The following NETO1 variants were observed in gnomAD, a reference collection of about 807,000 sequenced individuals.
NETO1 encodes the protein neuropilin and tolloid-like protein 1.
A neutral mutation model predicts 61.3 loss-of-function variants in NETO1; 26 were observed. The observed-to-expected ratio is 0.42, with a 90% CI of 0.31 to 0.59. NETO1 has a LOEUF of 0.59. Ranked by LOEUF, NETO1 falls within the 20% of genes least tolerant of loss-of-function variation. The pLI, the probability that NETO1 is intolerant of heterozygous loss-of-function variation, is 0.12. For missense variants in NETO1, 531 were observed against 662.8 expected (o/e 0.80, Z 2.18); for synonymous variants, 225 against 225.8 (o/e 1.00, Z 0.03).
chr18:72,851,699 T>A (rs539272530), intron 4 of NETO1, among the ~76,000 whole-genome samples: 1 of 152,294 alleles, frequency 6.6e-6, no homozygotes, highest in Non-Finnish European at 1.5e-5. Context: ...GAAAAACATT[T>A]CAAACAACAT....
chr18:72,854,921 C>A (rs1248771777), intron 4 of NETO1, among the ~76,000 whole-genome samples: 2 of 152,106 alleles, frequency 1.3e-5, no homozygotes, highest in African/African-American at 2.4e-5. Flanking sequence ...TTCCTGCTAT[C>A]CCTTATCTGA....
At chr18:72,755,880 G>A (rs536128821) in intron 8 of NETO1, among the ~76,000 whole-genome samples, 154 bp downstream of exon 8, 12 of 152,208 alleles carry the variant, frequency 7.9e-5, no homozygotes, top group African/African-American at 2.9e-4. Context: ...TAAAGGCTAA[G>A]AAAAACGCTT....
intron 4 of NETO1, among the ~76,000 whole-genome samples, chr18:72,847,606 TA>T (rs2145546671): frequency 6.6e-6 from 1 of 152,334 alleles, no homozygotes; most frequent in South Asian, 2.1e-4. Flanking sequence ...TATTTATGCA[TA>T]AAAATGGCAT....
intron 4 of NETO1, chr18:72,834,179 A>G: frequency 1.6e-6 from 1 of 644,520 alleles, no homozygotes; most frequent in South Asian, 7.0e-5. Context: ...ATATTTTAAT[A>G]AAATACAACA....
chr18:72,857,619 T>G (rs1220063068), intron 4 of NETO1, among the ~76,000 whole-genome samples: 1 of 152,146 alleles, frequency 6.6e-6, no homozygotes, highest in Non-Finnish European at 1.5e-5. Flanking sequence ...ATACCTACCT[T>G]CCCATTTACA....
At chr18:72,820,538 C>G (rs1226520119) in intron 4 of NETO1, among the ~76,000 whole-genome samples, 2 of 152,240 alleles carry the variant, frequency 1.3e-5, no homozygotes, top group Non-Finnish European at 2.9e-5. Context: ...GCTTTGAAAA[C>G]TTACAGGATG....
chr18:72,776,731 A>G (rs1241341393), intron 7 of NETO1, among the ~76,000 whole-genome samples: 1 of 152,166 alleles, frequency 6.6e-6, no homozygotes, highest in African/African-American at 2.4e-5. Context: ...AACTCCTAAC[A>G]TCATCACCTT....
At chr18:72,756,710 T>C (rs775308087) in intron 7 of NETO1, among the ~76,000 whole-genome samples, 1 of 152,144 alleles carries the variant, frequency 6.6e-6, no homozygotes, top group Non-Finnish European at 1.5e-5. Flanking sequence ...TTACATTTAA[T>C]ATATATGGTG....
intron 7 of NETO1, among the ~76,000 whole-genome samples, chr18:72,758,710 C>T (rs940384312): frequency 6.6e-6 from 1 of 152,032 alleles, no homozygotes; most frequent in African/African-American, 2.4e-5. Context: ...GTAGCACATG[C>T]CTGCAATTCC....
intron 4 of NETO1, among the ~76,000 whole-genome samples, chr18:72,814,596 C>G (rs1017559771): frequency 2.0e-5 from 3 of 151,996 alleles, no homozygotes; most frequent in African/African-American, 7.2e-5. Context: ...TGGACTAGAA[C>G]ACAAATCTAA....
intron 4 of NETO1, among the ~76,000 whole-genome samples, chr18:72,831,807 G>C (rs1452780150): frequency 6.6e-6 from 1 of 151,622 alleles, no homozygotes; most frequent in East Asian, 1.9e-4. Flanking sequence ...TAAATCACTT[G>C]CAATTTTTGT....
chr18:72,780,933 T>C (rs1344509190), intron 7 of NETO1, among the ~76,000 whole-genome samples: 1 of 152,126 alleles, frequency 6.6e-6, no homozygotes, highest in African/African-American at 2.4e-5. Flanking sequence ...CAGCTTCCTA[T>C]AAAACTAAAA....
chr18:72,848,163 T>C (rs1426639391), intron 4 of NETO1, among the ~76,000 whole-genome samples: 1 of 152,174 alleles, frequency 6.6e-6, no homozygotes, highest in African/African-American at 2.4e-5. Context: ...GATGGCGACA[T>C]TAATTTCCTT....
In NETO1 at chr18:72,867,194, G is replaced by C. The variant is rs890616122; in HGVS notation, c.28+70C>G. ...CGCGGCGCAGAGGCTTTTCCTGCGC[G>C]TTCGGCCCCGGGAAAGGGGCGGGAG... On this transcript the variant is annotated intron_variant, in intron 1 of 10. Transcript: ENST00000327305. 105 of 1,241,228 alleles carry C rather than the reference G, an allele frequency of 8.5e-5. 3 individuals carry two copies. In the South Asian group the frequency reaches 1.1e-3, roughly 13 times the overall value. 76.9% of individuals were successfully genotyped at this position (1,241,228 alleles called of 1,614,324 possible).
chr18:72,763,160 C>A (rs2071036953), intron 7 of NETO1, among the ~76,000 whole-genome samples: 1 of 151,306 alleles, frequency 6.6e-6, no homozygotes, highest in African/African-American at 2.4e-5. Flanking sequence ...CAGAAATCTG[C>A]TAAATAATAT....
At chr18:72,842,292 A>T (rs1053750816) in intron 4 of NETO1, among the ~76,000 whole-genome samples, 2 of 152,162 alleles carry the variant, frequency 1.3e-5, no homozygotes, top group Non-Finnish European at 2.9e-5. Context: ...AATATTATAT[A>T]TTATATGTAT....
At chr18:72,803,507 C>G (rs1031813650) in intron 4 of NETO1, among the ~76,000 whole-genome samples, 3 of 152,154 alleles carry the variant, frequency 2.0e-5, no homozygotes, top group Admixed American at 6.5e-5. Flanking sequence ...AGAATAATCA[C>G]CCCTCCCTGA....
chr18:72,808,715 C>T (rs1413660011), intron 4 of NETO1, among the ~76,000 whole-genome samples: 1 of 152,186 alleles, frequency 6.6e-6, no homozygotes, highest in African/African-American at 2.4e-5. Context: ...AAGACAAGAC[C>T]TTTTGTGCTC....
At chr18:72,850,760 T>C (rs182202620) in intron 4 of NETO1, among the ~76,000 whole-genome samples, 20 of 152,338 alleles carry the variant, frequency 1.3e-4, no homozygotes, top group Admixed American at 1.3e-3. Flanking sequence ...TGAGTTTTTC[T>C]CTTGTCAAGT....
Sources: allele counts gnomAD v4.1 joint callset (sites outside exome capture counted in the v4.1 genomes callset), GRCh38; gene constraint gnomAD v4.1.1; transcripts MANE v1.5; gene names NCBI Gene and HGNC (gene_info 2026-07-23, HGNC 2026-07-21).